The following PARD3 variants were observed in gnomAD, a reference collection of about 807,000 sequenced individuals.
The protein encoded by PARD3 is partitioning defective 3 homolog.
Under a neutral mutation model 155.4 loss-of-function variants are expected in PARD3, and 75 were observed. That is an observed-to-expected ratio of 0.48 (90% CI 0.40 to 0.58). The LOEUF is 0.58. Among genes scored for constraint, PARD3 ranks in the 20% least tolerant of loss-of-function variants. PARD3 has a pLI of 0.00. For missense variants in PARD3, 1,642 were observed against 1,721.7 expected (o/e 0.95, Z 0.82); for synonymous variants, 576 against 610.5 (o/e 0.94, Z 0.83).
intron 5 of PARD3, among the ~76,000 whole-genome samples, chr10:34,446,295 T>C (rs1025516451): frequency 1.4e-4 from 22 of 152,194 alleles, no homozygotes; most frequent in Non-Finnish European, 2.6e-4. Context: ...GCTACATATA[T>C]GCCAAACATT....
chr10:34,471,661 T>A (rs2078351493), intron 3 of PARD3, among the ~76,000 whole-genome samples: 1 of 152,192 alleles, frequency 6.6e-6, no homozygotes, highest in Non-Finnish European at 1.5e-5. Context: ...TTCAAGTGAT[T>A]CACCTGCCTC....
intron 19 of PARD3, among the ~76,000 whole-genome samples, chr10:34,322,177 C>T (rs1299996933): frequency 1.3e-5 from 2 of 152,158 alleles, no homozygotes; most frequent in African/African-American, 4.8e-5. Context: ...CCCCGTTGGA[C>T]TCAATGGACA....
intron 19 of PARD3, among the ~76,000 whole-genome samples, chr10:34,326,594 G>A (rs1835057238): frequency 6.6e-6 from 1 of 152,294 alleles, no homozygotes; most frequent in Admixed American, 6.5e-5. Context: ...AATAGGTGGT[G>A]ATGAAAGGTG....
intron 1 of PARD3, among the ~76,000 whole-genome samples, chr10:34,775,519 C>G (rs112624681): frequency 1.3e-5 from 2 of 152,084 alleles, no homozygotes; most frequent in Non-Finnish European, 2.9e-5. Flanking sequence ...AAAAAACAAA[C>G]AAAAAGAAAG....
At chr10:34,392,755 TACA>T (rs1842963781) in intron 7 of PARD3, among the ~76,000 whole-genome samples, 1 of 152,146 alleles carries the variant, frequency 6.6e-6, no homozygotes, top group African/African-American at 2.4e-5. Context: ...AATATGTAGT[TACA>T]ACAAAAGAGG....
chr10:34,449,493 C>T (rs960038161), intron 5 of PARD3, among the ~76,000 whole-genome samples: 2 of 150,130 alleles, frequency 1.3e-5, no homozygotes, highest in African/African-American at 4.9e-5. Context: ...GGAGATATAC[C>T]TAACGCTAAA....
chr10:34,281,013 A>G (rs1399064335), intron 21 of PARD3, among the ~76,000 whole-genome samples: 1 of 152,188 alleles, frequency 6.6e-6, no homozygotes. Flanking sequence ...TGTATATACT[A>G]CCATTTAAAA....
At chr10:34,642,765 C>T (rs2092719489) in intron 2 of PARD3, among the ~76,000 whole-genome samples, 1 of 152,074 alleles carries the variant, frequency 6.6e-6, no homozygotes, top group Non-Finnish European at 1.5e-5. Context: ...GGCCACTTTG[C>T]CCTCTTTCCA....
At chr10:34,588,268 T>A (rs987532934) in intron 2 of PARD3, among the ~76,000 whole-genome samples, 6 of 152,180 alleles carry the variant, frequency 3.9e-5, no homozygotes, top group African/African-American at 1.4e-4. Context: ...GGACCCCTAC[T>A]AAACAGACCT....
At chr10:34,519,882 T>C (rs1374521913) in intron 2 of PARD3, among the ~76,000 whole-genome samples, 1 of 137,388 alleles carries the variant, frequency 7.3e-6, no homozygotes, top group Non-Finnish European at 1.6e-5. Context: ...TAACATAACA[T>C]AAAAATAGAA....
chr10:34,778,704 A>T (rs1217855209), intron 1 of PARD3, among the ~76,000 whole-genome samples: 1 of 152,220 alleles, frequency 6.6e-6, no homozygotes, highest in African/African-American at 2.4e-5. Context: ...TATTTTATGA[A>T]TTACATGACT....
At chr10:34,371,486 C>CAAAAAA (rs968034029) in intron 12 of PARD3, among the ~76,000 whole-genome samples, 1 of 22,750 alleles carries the variant, frequency 4.4e-5, no homozygotes, top group Non-Finnish European at 8.5e-5. Flanking sequence ...ATTCTAGACT[C>CAAAAAA]AAAAAAAAAA....
intron 15 of PARD3, chr10:34,346,593 A>G (rs1837456057): frequency 9.9e-7 from 1 of 1,014,938 alleles, no homozygotes; most frequent in Admixed American, 3.2e-5. Context: ...ACCAAAGCCA[A>G]GAAAGTACAG....
intron 5 of PARD3, among the ~76,000 whole-genome samples, chr10:34,449,901 T>C (rs2132782006): frequency 6.6e-6 from 1 of 152,342 alleles, no homozygotes; most frequent in Non-Finnish European, 1.5e-5. Flanking sequence ...CACCATAGGA[T>C]ATATTTCTCT....
chr10:34,804,811 C>CA (rs1460727329), intron 1 of PARD3, among the ~76,000 whole-genome samples: 1 of 151,926 alleles, frequency 6.6e-6, no homozygotes, highest in African/African-American at 2.4e-5. Flanking sequence ...AGAAATTGAA[C>CA]AAAAAAATCT....
At chr10:34,234,812 T>C (rs1953129126) in intron 22 of PARD3, among the ~76,000 whole-genome samples, 1 of 152,248 alleles carries the variant, frequency 6.6e-6, no homozygotes, top group Non-Finnish European at 1.5e-5. Context: ...TAAATGGATA[T>C]CATTCTTATG....
intron 7 of PARD3, among the ~76,000 whole-genome samples, chr10:34,391,600 T>C (rs1457693155): frequency 6.6e-6 from 1 of 152,188 alleles, no homozygotes; most frequent in Non-Finnish European, 1.5e-5. Flanking sequence ...ACTAGTCTTG[T>C]AGACAGAGAA....
chr10:34,581,895 T>C (rs931095397), intron 2 of PARD3, among the ~76,000 whole-genome samples: 20 of 152,212 alleles, frequency 1.3e-4, no homozygotes, highest in African/African-American at 4.8e-4. Context: ...TTTAACATGC[T>C]TGACAACTGA....
chr10:34,731,683 T>C (rs916462347), intron 1 of PARD3, among the ~76,000 whole-genome samples: 1 of 152,196 alleles, frequency 6.6e-6, no homozygotes, highest in Non-Finnish European at 1.5e-5. Flanking sequence ...CACAATCAAA[T>C]AGTAGTTGAA....
Sources: gnomAD v4.1 joint callset for allele counts (sites outside exome capture counted in the v4.1 genomes callset) on GRCh38, gnomAD v4.1.1 for gene constraint, MANE v1.5 for transcripts, NCBI Gene and HGNC (gene_info 2026-07-23, HGNC 2026-07-21) for gene names.